The following H3-3A variants were observed in gnomAD, a reference collection of about 807,000 sequenced individuals.
H3-3A encodes the protein histone H3.3.
For synonymous variants in H3-3A, 49 were observed against 61.4 expected (o/e 0.80, Z 0.95); for missense variants, 7 against 184.0 (o/e 0.04, Z 5.57).
intron 3 of H3-3A, chr1:226,066,439 A>G (rs1250825824): frequency 1.3e-5 from 2 of 152,282 alleles, no homozygotes; most frequent in African/African-American, 4.8e-5. Flanking sequence ...TGTGGAGCAT[A>G]TTGAATTTAA....
chr1:226,068,492 T>C (rs907128860), intron 3 of H3-3A, among the ~76,000 whole-genome samples: 2 of 152,180 alleles, frequency 1.3e-5, no homozygotes, highest in Non-Finnish European at 2.9e-5. Context: ...AATTAAACTG[T>C]TTTCTTTCCT....
At chr1:226,063,399 A>T (rs1326158215) in intron 1 of H3-3A, among the ~76,000 whole-genome samples, 1 of 147,000 alleles carries the variant, frequency 6.8e-6, no homozygotes, top group Non-Finnish European at 1.5e-5. Context: ...AGAGGCGGAA[A>T]CTTGATGCAT....
intron 1 of H3-3A, among the ~76,000 whole-genome samples, chr1:226,063,014 C>T (rs1403529382): frequency 6.6e-6 from 1 of 151,938 alleles, no homozygotes; most frequent in African/African-American, 2.4e-5. Flanking sequence ...CGCCTCAGCC[C>T]AACAGCAGCA....
rs1658137280 is a variant in H3-3A, at chr1:226,071,774, A to G, written c.*295A>G. Reference sequence around the variant, plus strand: ...TCAACTTTATAATAATTATAAATAAACCTGTTAAATTTTTCTGGACAATGC... The same window carrying G: ...TCAACTTTATAATAATTATAAATAAGCCTGTTAAATTTTTCTGGACAATGC... On this transcript the variant is annotated 3_prime_UTR_variant, in exon 4 of 4. Transcript: ENST00000366815. 1 of 220,320 alleles carries G rather than the reference A, an allele frequency of 4.5e-6. No individual in the cohort carries two copies. Among genetic ancestry groups the G allele is most frequent in the Non-Finnish European group, 8.6e-6 (1 of 116,700 alleles). 13.6% of individuals were successfully genotyped at this position (220,320 alleles called of 1,614,324 possible).
chr1:226,069,384 T>C (rs1316227985), intron 3 of H3-3A, among the ~76,000 whole-genome samples: 1 of 152,114 alleles, frequency 6.6e-6, no homozygotes, highest in African/African-American at 2.4e-5. Flanking sequence ...AATGCAACTA[T>C]AAGACTGTTT....
upstream of H3-3A, among the ~76,000 whole-genome samples, chr1:226,062,252 C>A (rs1657732189): frequency 6.7e-6 from 1 of 149,478 alleles, no homozygotes; most frequent in Non-Finnish European, 1.5e-5. Context: ...GCGGGGGCAG[C>A]CCCTCCCTCC....
chr1:226,071,582 G>C lies in H3-3A; in HGVS notation c.*103G>C. 1 of 548,266 alleles carries C rather than the reference G, an allele frequency of 1.8e-6. No individual in the cohort carries two copies. The highest frequency in any genetic ancestry group is 3.7e-5 in the Admixed American group (1 of 26,702). 34.0% of individuals were successfully genotyped at this position (548,266 alleles called of 1,614,324 possible). A position where few individuals can be genotyped will look rare whatever the true frequency, so the allele number is the denominator to read the frequency against. On this transcript the variant is annotated 3_prime_UTR_variant, in exon 4 of 4. Transcript: ENST00000366815. ...TGAACGTTAGATATTTTTTTTCCAT[G>C]GGGTCAAAAGGTACCTAAGTATATG... is the stretch of plus-strand genomic sequence containing the variant.
At chr1:226,062,930 T>C (rs1401086915) in intron 1 of H3-3A, 119 bp downstream of exon 1, 1 of 151,994 alleles carries the variant, frequency 6.6e-6, no homozygotes, top group Non-Finnish European at 1.5e-5. Context: ...CCCACAAACT[T>C]TTTGGCCCAG....
At chr1:226,068,191 G>A (rs994037338) in intron 3 of H3-3A, among the ~76,000 whole-genome samples, 2 of 152,122 alleles carry the variant, frequency 1.3e-5, no homozygotes, top group Admixed American at 1.3e-4. Context: ...AAGGGACTTT[G>A]GGTTACTTGT....
At chr1:226,067,430 TTA>T (rs1477481953) in intron 3 of H3-3A, among the ~76,000 whole-genome samples, 1 of 152,120 alleles carries the variant, frequency 6.6e-6, no homozygotes, top group African/African-American at 2.4e-5. Context: ...TGCATATATT[TTA>T]GTTATCTTAA....
chr1:226,062,167 G>A (rs936997755), upstream of H3-3A: 1 of 151,822 alleles, frequency 6.6e-6, no homozygotes, highest in African/African-American at 2.4e-5. Context: ...CCAATGGGGC[G>A]CGGCGACCCG....
At chr1:226,062,542 G>A (rs1657752199), upstream of H3-3A, 1 of 149,702 alleles carries the variant, frequency 6.7e-6, no homozygotes. Flanking sequence ...GGCGGCGCGC[G>A]GGGGAGGGGC....
intron 2 of H3-3A, among the ~76,000 whole-genome samples, chr1:226,065,018 G>A (rs1333997392): frequency 1.3e-5 from 2 of 152,152 alleles, no homozygotes; most frequent in Non-Finnish European, 2.9e-5. Flanking sequence ...CTTAGCCTCC[G>A]CAAATATTAC....
chr1:226,068,778 A>G (rs1658004056), intron 3 of H3-3A, among the ~76,000 whole-genome samples: 3 of 152,252 alleles, frequency 2.0e-5, no homozygotes, highest in Admixed American at 6.5e-5. Context: ...AGGGCACCAA[A>G]AAATGGCTGA....
At chr1:226,070,295 C>T (rs1658067524) in intron 3 of H3-3A, among the ~76,000 whole-genome samples, 1 of 151,498 alleles carries the variant, frequency 6.6e-6, no homozygotes, top group South Asian at 2.1e-4. Context: ...TCCTAGCTAA[C>T]ACAATGAAGC....
At chr1:226,069,944 G>A (rs749461377) in intron 3 of H3-3A, among the ~76,000 whole-genome samples, 5 of 152,210 alleles carry the variant, frequency 3.3e-5, no homozygotes, top group Admixed American at 6.5e-5. Context: ...TTAATTCTAA[G>A]TGGAAACGCC....
Position 226,064,331 on chromosome 1 carries a change from A to G in H3-3A, c.-21A>G. 1.2e-6 allele frequency: 2 copies of G among 1,604,724 alleles called. No individual in the cohort carries two copies. Among genetic ancestry groups the G allele is most frequent in the Middle Eastern group, 1.7e-4 (1 of 6,014 alleles). On this transcript the variant is annotated splice_region_variant and 5_prime_UTR_variant, in exon 2 of 4. Coordinates refer to ENST00000366815, the MANE Select transcript of H3-3A (RefSeq NM_002107.7). ...TTTTGATTTTTCAATGCTGGTAGGT[A>G]AGTAAGGAGGTCTCTGTACCATGGC...
At chr1:226,066,838 A>G (rs1657941278) in intron 3 of H3-3A, 1 of 152,256 alleles carries the variant, frequency 6.6e-6, no homozygotes, top group East Asian at 1.9e-4. Context: ...TGCTTTATGT[A>G]TGAGAAAGAT....
intron 1 of H3-3A, among the ~76,000 whole-genome samples, 161 bp downstream of exon 1, chr1:226,062,972 C>T (rs1184762632): frequency 1.3e-5 from 2 of 152,010 alleles, no homozygotes; most frequent in Non-Finnish European, 2.9e-5. Flanking sequence ...TTCCCTGTTC[C>T]CTCTGGCGGC....
Sources: allele counts gnomAD v4.1 joint callset (sites outside exome capture counted in the v4.1 genomes callset), GRCh38; gene constraint gnomAD v4.1.1; transcripts MANE v1.5; gene names NCBI Gene and HGNC (gene_info 2026-07-23, HGNC 2026-07-21).